RUVBL1: variants seen among roughly 807,000 people sequenced by gnomAD.
The protein encoded by RUVBL1 is RuvB like AAA ATPase 1, also known as ruvB-like 1.
In RUVBL1, 4 loss-of-function variants were observed where a neutral mutation model predicts 52.4. That is an observed-to-expected ratio of 0.08 (90% CI 0.04 to 0.17). The LOEUF (loss-of-function observed/expected upper bound fraction) is 0.17. RUVBL1 is among the 10% of genes least tolerant of loss of function. The pLI, the probability that RUVBL1 is intolerant of heterozygous loss-of-function variation, is 1.00. For synonymous variants in RUVBL1, 217 were observed against 214.4 expected (o/e 1.01, Z -0.10); for missense variants, 298 against 572.8 (o/e 0.52, Z 4.90).
At chr3:128,117,546 T>A (rs1943554257) in intron 2 of RUVBL1, among the ~76,000 whole-genome samples, 1 of 151,784 alleles carries the variant, frequency 6.6e-6, no homozygotes, top group South Asian at 2.1e-4. Flanking sequence ...CTCAGTGGAG[T>A]TCCAGAAGGA....
At chr3:128,128,497 G>A (rs1356961981), upstream of RUVBL1, among the ~76,000 whole-genome samples, 2 of 152,242 alleles carry the variant, frequency 1.3e-5, no homozygotes, top group South Asian at 2.1e-4. Flanking sequence ...CTATCGTGTG[G>A]TCCAAGATAG....
chr3:128,082,133 C>G lies in RUVBL1; in HGVS notation c.1211+350G>C. 1 of 213,632 alleles carries G rather than the reference C, an allele frequency of 4.7e-6. No individual in the cohort carries two copies. The highest frequency in any genetic ancestry group is 1.2e-4 in the East Asian group (1 of 8,154). The allele number at this position is 213,632 out of a possible 1,614,324, so 13.2% of individuals were successfully genotyped here. On this transcript the variant is annotated intron_variant, in intron 10 of 10. Coordinates refer to ENST00000322623, the MANE Select transcript of RUVBL1 (RefSeq NM_003707.3). This position sits in a 1 kb window ranked among gnomAD's most constrained non-coding sequence, Gnocchi z 4.7. ...GATTTACCAGGCCTCATAACACCAC[C>G]GGGAGAACAGGAGCCAGGGCCCTGG...
intron 1 of RUVBL1, among the ~76,000 whole-genome samples, chr3:128,135,609 C>T (rs1254167630): frequency 6.6e-6 from 1 of 152,180 alleles, no homozygotes; most frequent in African/African-American, 2.4e-5. Context: ...CAAAAATATA[C>T]TTCAAACATA....
intron 4 of RUVBL1, 145 bp from the exon 5 acceptor site, chr3:128,101,793 T>C (rs1370907191): frequency 2.7e-6 from 2 of 740,472 alleles, no homozygotes; most frequent in Non-Finnish European, 4.6e-6. Flanking sequence ...TACTGGGACC[T>C]GCAGGAGTGT....
chr3:128,102,379 CTG>C (rs2107692472), intron 4 of RUVBL1, among the ~76,000 whole-genome samples: 1 of 152,372 alleles, frequency 6.6e-6, no homozygotes, highest in African/African-American at 2.4e-5. Flanking sequence ...ATTTGCGGAA[CTG>C]TTGCTTTTCT....
At chr3:128,065,386 T>C (rs1941935851) in intron 9 of RUVBL1, 1 of 556,814 alleles carries the variant, frequency 1.8e-6, no homozygotes. Context: ...AAAGTTTGTA[T>C]GATATTTATA....
intron 9 of RUVBL1, chr3:128,075,096 T>C (rs1408306102): frequency 6.6e-6 from 1 of 152,090 alleles, no homozygotes; most frequent in East Asian, 1.9e-4. Flanking sequence ...TTCCTGGAGG[T>C]ACTGCAATAC....
Position 128,106,106 on chromosome 3 carries a change from C to T in RUVBL1, c.362-1182G>A, listed in dbSNP as rs929557721. 5.9e-5 allele frequency among the ~76,000 whole-genome samples: 9 copies of T among 152,198 alleles called. 1 individual carries two copies. Among genetic ancestry groups the T allele is most frequent in the Admixed American group, 5.9e-4 (9 of 15,294 alleles). On this transcript the variant is annotated intron_variant, in intron 3 of 10. Transcript: ENST00000322623. ...TGTTGGCCAGACTGGTCTTGAACTC[C>T]TGACCTCAGGTGATCCACCCACCTT...
intron 8 of RUVBL1, among the ~76,000 whole-genome samples, chr3:128,097,045 A>G (rs1942997049): frequency 6.6e-6 from 1 of 152,174 alleles, no homozygotes; most frequent in Non-Finnish European, 1.5e-5. Flanking sequence ...GTACACTCCA[A>G]TTGAACGACC....
intron 4 of RUVBL1, among the ~76,000 whole-genome samples, chr3:128,104,041 C>G (rs1262914233): frequency 6.6e-6 from 1 of 152,176 alleles, no homozygotes; most frequent in Admixed American, 6.5e-5. Context: ...AATTATTATT[C>G]CCATTCAACA....
intron 1 of RUVBL1, among the ~76,000 whole-genome samples, chr3:128,143,106 C>T (rs1037567877): frequency 1.3e-5 from 2 of 151,308 alleles, no homozygotes; most frequent in Middle Eastern, 3.3e-3. Context: ...TTATAAGGTC[C>T]CTTCATGATT....
At chr3:128,073,134 T>C (rs929369221) in intron 9 of RUVBL1, among the ~76,000 whole-genome samples, 4 of 152,142 alleles carry the variant, frequency 2.6e-5, no homozygotes, top group African/African-American at 9.7e-5. Context: ...CTACTCCAAG[T>C]CCCTGTCTGG....
chr3:128,070,329 G>C (rs1042907), intron 9 of RUVBL1: 33,669 of 152,174 alleles, frequency 0.22, 3,809 homozygotes, highest in South Asian at 0.27. Context: ...TGACTCTTCT[G>C]GTTGGGCTTA....
chr3:128,090,850 T>TAATTATCCCAAGGAC (rs1942815940), intron 8 of RUVBL1, among the ~76,000 whole-genome samples: 1 of 152,186 alleles, frequency 6.6e-6, no homozygotes, highest in Non-Finnish European at 1.5e-5. Context: ...TTTGCCACAT[T>TAATTATCCCAAGGAC]AAAATATCCC....
chr3:128,123,277 T>C (rs566141290), intron 1 of RUVBL1, among the ~76,000 whole-genome samples: 115 of 152,268 alleles, frequency 7.6e-4, no homozygotes, highest in African/African-American at 2.6e-3. Flanking sequence ...TGTATCCCAG[T>C]GTCGCGAATA....
Position 128,082,245 on chromosome 3 carries a change from A to T in RUVBL1, c.1211+238T>A. On this transcript the variant is annotated intron_variant, in intron 10 of 10. Coordinates refer to ENST00000322623, the MANE Select transcript of RUVBL1 (RefSeq NM_003707.3). The surrounding 1 kb of genome is among the most constrained non-coding windows in gnomAD (Gnocchi z 4.7). ...GCCCAGGGTCAAAGCACTCTCCACC[A>T]GAGGGGAGCATCTGCTGCAGGACAT... is the stretch of plus-strand genomic sequence containing the variant. 4.0e-6 allele frequency: 2 copies of T among 497,240 alleles called. No homozygotes were observed. The highest frequency in any genetic ancestry group is 7.3e-6 in the Non-Finnish European group (2 of 275,630). The allele number at this position is 497,240 out of a possible 1,614,324, so 30.8% of individuals were successfully genotyped here.
rs752304521 is a variant in RUVBL1, at chr3:128,082,299, A to C, written c.1211+184T>G. ...GACTTCACCCTTACTCTAGCTTGTTAAAAACCATCAGATAGATCCTCTGCA... is the reference window on the plus strand; with the variant it reads ...GACTTCACCCTTACTCTAGCTTGTTCAAAACCATCAGATAGATCCTCTGCA... On this transcript the variant is annotated intron_variant, in intron 10 of 10. Transcript: ENST00000322623. The surrounding 1 kb of genome is among the most constrained non-coding windows in gnomAD (Gnocchi z 4.7). 1.8e-6 allele frequency: 1 copy of C among 568,918 alleles called. No individual in the cohort carries two copies. Among genetic ancestry groups the C allele is most frequent in the Non-Finnish European group, 3.2e-6 (1 of 316,902 alleles). The allele number at this position is 568,918 out of a possible 1,614,324, so 35.2% of individuals were successfully genotyped here. A position where few individuals can be genotyped will look rare whatever the true frequency, so the allele number is the denominator to read the frequency against.
At position 128,094,841 on chromosome 3, in the gene RUVBL1, G is replaced by A. The variant is rs914323357; in HGVS notation, c.1016+2459C>T. 3.3e-5 allele frequency among the ~76,000 whole-genome samples: 5 copies of A among 152,206 alleles called. No homozygotes were observed. The East Asian group carries it at 9.6e-4, about 29-fold the overall frequency. On this transcript the variant is annotated intron_variant, in intron 8 of 10. Transcript: ENST00000322623. The stretch of plus-strand genomic sequence containing the variant: ...TCCCCTCTAGGGGTGGAGTCTGTGG[G>A]AAGCATATCAGATGGCTATTATTGT...
intron 1 of RUVBL1, among the ~76,000 whole-genome samples, chr3:128,134,727 G>C (rs961756871): frequency 1.3e-5 from 2 of 151,978 alleles, no homozygotes; most frequent in African/African-American, 4.8e-5. Context: ...ATTGAGCCTG[G>C]GAGGTCAAGG....
Sources: allele counts gnomAD v4.1 joint callset (sites outside exome capture counted in the v4.1 genomes callset), GRCh38; gene constraint gnomAD v4.1.1; non-coding constraint Gnocchi (gnomAD v3.1); transcripts MANE v1.5; gene names NCBI Gene and HGNC (gene_info 2026-07-23, HGNC 2026-07-21).